CCDC85A: variants seen among roughly 807,000 people sequenced by gnomAD.
CCDC85A encodes coiled-coil domain-containing protein 85A.
In CCDC85A, 38 loss-of-function variants were observed where a neutral mutation model predicts 50.2. The observed-to-expected ratio is 0.76, with a 90% CI of 0.58 to 0.99. CCDC85A has a LOEUF of 0.99. Ranked by LOEUF, CCDC85A falls within the 50% of genes least tolerant of loss-of-function variation. The pLI, the probability that CCDC85A is intolerant of heterozygous loss-of-function variation, is 0.00. For missense variants in CCDC85A, 820 were observed against 742.0 expected, an observed-to-expected ratio of 1.11 and a Z score of -1.22; for synonymous variants, 366 against 301.4, an observed-to-expected ratio of 1.21 and a Z score of -2.22.
intron 2 of CCDC85A, among the ~76,000 whole-genome samples, chr2:56,260,170 C>G (rs1365436829): frequency 6.6e-6 from 1 of 152,166 alleles, no homozygotes; most frequent in Non-Finnish European, 1.5e-5. Flanking sequence ...CAGTGTGCAT[C>G]TTGGAGGCTG....
At chr2:56,366,501 A>G (rs2104380666) in intron 3 of CCDC85A, among the ~76,000 whole-genome samples, 1 of 152,268 alleles carries the variant, frequency 6.6e-6, no homozygotes, top group South Asian at 2.1e-4. Context: ...TCTTGATTAG[A>G]ACTGTTCAGC....
At chr2:56,193,683 G>A (rs1676415880) in intron 2 of CCDC85A, among the ~76,000 whole-genome samples, 1 of 152,120 alleles carries the variant, frequency 6.6e-6, no homozygotes, top group African/African-American at 2.4e-5. Flanking sequence ...GGAGGGAGAG[G>A]AACAGTAATT....
intron 2 of CCDC85A, among the ~76,000 whole-genome samples, chr2:56,275,169 C>T (rs1670870877): frequency 6.6e-6 from 1 of 152,170 alleles, no homozygotes; most frequent in Admixed American, 6.5e-5. Context: ...CTGCTTTGAA[C>T]CCACCATGAA....
chr2:56,371,785 ATATT>A (rs1415293441), intron 3 of CCDC85A, among the ~76,000 whole-genome samples: 1 of 152,102 alleles, frequency 6.6e-6, no homozygotes, highest in Admixed American at 6.6e-5. Flanking sequence ...TCTATGTAAA[ATATT>A]TATTTTAATG....
At chr2:56,269,826 CTT>C (rs1441287462) in intron 2 of CCDC85A, among the ~76,000 whole-genome samples, 1 of 152,168 alleles carries the variant, frequency 6.6e-6, no homozygotes, top group African/African-American at 2.4e-5. Context: ...CATTTCCTCT[CTT>C]GCGTTATTTC....
In CCDC85A at chr2:56,385,339, G is replaced by A. The variant is rs1055378794; in HGVS notation, c.*984G>A. 3 of 152,156 alleles carry A rather than the reference G, an allele frequency of 2.0e-5. No homozygotes were observed. Among genetic ancestry groups the A allele is most frequent in the Non-Finnish European group, 2.9e-5 (2 of 67,830 alleles). 9.4% of individuals were successfully genotyped at this position (152,156 alleles called of 1,614,324 possible). On this transcript the variant is annotated 3_prime_UTR_variant, in exon 6 of 6. Coordinates refer to ENST00000407595, the MANE Select transcript of CCDC85A (RefSeq NM_001080433.2). ...CTATCTAACATTTTATGAAACTGAC[G>A]CATGTCCTTCATTATTGAGGCTAAA... is the stretch of plus-strand genomic sequence containing the variant.
intron 2 of CCDC85A, among the ~76,000 whole-genome samples, chr2:56,218,589 C>G (rs895341418): frequency 5.9e-5 from 9 of 151,852 alleles, no homozygotes; most frequent in African/African-American, 2.2e-4. Context: ...ACCACCATGT[C>G]AATAAATTTA....
Position 56,287,167 on chromosome 2 carries a change from C to G in CCDC85A, c.1241-55712C>G, listed in dbSNP as rs148224094. Among the ~76,000 whole-genome samples the G allele has an allele frequency of 2.0e-5, 3 of 152,168 alleles. No homozygotes were observed. In the South Asian group the frequency reaches 6.2e-4, roughly 31 times the overall value. On this transcript the variant is annotated intron_variant, in intron 2 of 5. Transcript: ENST00000407595. ...TTCTGCTAGGGCTGACAGAGTTTCA[C>G]TCTTCACTTTTGTAACCCAGACTTT...
intron 2 of CCDC85A, among the ~76,000 whole-genome samples, chr2:56,332,615 C>T (rs1673866988): frequency 6.6e-6 from 1 of 152,078 alleles, no homozygotes; most frequent in Non-Finnish European, 1.5e-5. Context: ...CTCTTTCTCC[C>T]TTTTTCTGTC....
At chr2:56,268,445 A>G (rs1670547631) in intron 2 of CCDC85A, among the ~76,000 whole-genome samples, 2 of 152,078 alleles carry the variant, frequency 1.3e-5, no homozygotes, top group South Asian at 4.1e-4. Flanking sequence ...AATACAAAAA[A>G]TTAGCCAAGA....
chr2:56,235,611 C>G (rs992421385), intron 2 of CCDC85A, among the ~76,000 whole-genome samples: 9 of 152,038 alleles, frequency 5.9e-5, no homozygotes, highest in African/African-American at 2.2e-4. Flanking sequence ...TATTGTGCAC[C>G]TAATGCTGAG....
At chr2:56,246,809 G>C (rs771637338) in intron 2 of CCDC85A, among the ~76,000 whole-genome samples, 1 of 152,048 alleles carries the variant, frequency 6.6e-6, no homozygotes, top group South Asian at 2.1e-4. Flanking sequence ...ATAAAATAAA[G>C]AGCTAAAATT....
chr2:56,194,195 A>G (rs555001779), intron 2 of CCDC85A, among the ~76,000 whole-genome samples: 3 of 152,354 alleles, frequency 2.0e-5, no homozygotes, highest in African/African-American at 7.2e-5. Context: ...TTTAAAATGT[A>G]CAGATGTGTT....
chr2:56,231,564 T>G (rs1372745854), intron 2 of CCDC85A, among the ~76,000 whole-genome samples: 1 of 152,144 alleles, frequency 6.6e-6, no homozygotes, highest in Non-Finnish European at 1.5e-5. Flanking sequence ...GGCTTCAATC[T>G]AAGAATGAGT....
At chr2:56,239,436 C>G (rs1030989668) in intron 2 of CCDC85A, among the ~76,000 whole-genome samples, 1 of 151,948 alleles carries the variant, frequency 6.6e-6, no homozygotes, top group South Asian at 2.1e-4. Context: ...GTTCCTATTC[C>G]CTCTTTAAAA....
intron 2 of CCDC85A, among the ~76,000 whole-genome samples, chr2:56,283,588 G>T (rs1671299773): frequency 6.6e-6 from 1 of 152,060 alleles, no homozygotes; most frequent in Non-Finnish European, 1.5e-5. Flanking sequence ...AACATAAAAT[G>T]GTTCTTTGGT....
intron 2 of CCDC85A, among the ~76,000 whole-genome samples, chr2:56,197,868 G>A (rs1053141820): frequency 1.3e-5 from 2 of 152,354 alleles, no homozygotes; most frequent in African/African-American, 2.4e-5. Flanking sequence ...TGACATATGA[G>A]TAGGCTCATG....
intron 3 of CCDC85A, among the ~76,000 whole-genome samples, chr2:56,350,441 A>T (rs1478327883): frequency 6.6e-6 from 1 of 152,156 alleles, no homozygotes; most frequent in Non-Finnish European, 1.5e-5. Context: ...TATGGTGGCA[A>T]ATGCCTGTAA....
At chr2:56,323,003 A>C (rs1376775979) in intron 2 of CCDC85A, among the ~76,000 whole-genome samples, 1 of 152,142 alleles carries the variant, frequency 6.6e-6, no homozygotes, top group African/African-American at 2.4e-5. Context: ...ACGGATATGG[A>C]TGAAACTGGA....
Sources: allele counts gnomAD v4.1 joint callset (sites outside exome capture counted in the v4.1 genomes callset), GRCh38; gene constraint gnomAD v4.1.1; transcripts MANE v1.5; gene names NCBI Gene and HGNC (gene_info 2026-07-23, HGNC 2026-07-21).